RASSF5: variants seen among roughly 807,000 people sequenced by gnomAD.
RASSF5 encodes ras association domain-containing protein 5.
RASSF5 carries 25 observed loss-of-function variants against 40.5 expected under a neutral mutation model. The observed-to-expected ratio is 0.62, with a 90% confidence interval of 0.45 to 0.86. RASSF5 has a LOEUF of 0.86. Among genes scored for constraint, RASSF5 ranks in the 40% least tolerant of loss-of-function variants. The probability of loss-of-function intolerance (pLI) is 0.00; values close to 1 mark genes in which losing one functional copy is unlikely to be tolerated. For missense variants in RASSF5, 521 were observed against 572.8 expected, an observed-to-expected ratio of 0.91 and a Z score of 0.92; for synonymous variants, 246 against 252.4, an observed-to-expected ratio of 0.97 and a Z score of 0.24.
intron 2 of RASSF5, among the ~76,000 whole-genome samples, chr1:206,566,116 A>C (rs1668283049): frequency 6.6e-6 from 1 of 152,158 alleles, no homozygotes; most frequent in Non-Finnish European, 1.5e-5. Flanking sequence ...TGCTACCATC[A>C]AGCCAAAAAG....
At chr1:206,556,555 A>G (rs1469652272) in intron 2 of RASSF5, among the ~76,000 whole-genome samples, 2 of 152,140 alleles carry the variant, frequency 1.3e-5, no homozygotes, top group Non-Finnish European at 2.9e-5. Flanking sequence ...TTCTCAGACT[A>G]TCCGGAAGAT....
Position 206,584,844 on chromosome 1 carries a change from G to T in RASSF5, c.988+160G>T. 1 of 755,442 alleles carries T rather than the reference G, an allele frequency of 1.3e-6. No homozygotes were observed. The allele number at this position is 755,442 out of a possible 1,614,324, so 46.8% of individuals were successfully genotyped here. On this transcript the variant is annotated intron_variant, in intron 4 of 5. Transcript: ENST00000579436. The surrounding 1 kb of genome is among the most constrained non-coding windows in gnomAD (Gnocchi z 4.9). ...TGTTCAGATCTGTGGAATCCGGGCA[G>T]GGAGGCAAGAGCAGAGTCCCTGACT...
At chr1:206,549,495 C>G (rs995206169) in intron 2 of RASSF5, among the ~76,000 whole-genome samples, 10 of 151,086 alleles carry the variant, frequency 6.6e-5, no homozygotes, top group Non-Finnish European at 1.5e-4. Flanking sequence ...GGTCAGTAGT[C>G]GAGACAGAGT....
In RASSF5 at chr1:206,587,151, AGCTGTGCCCGCCCCCAG is replaced by A. The variant is rs570505466; in HGVS notation, c.*183_*199del. The A allele has an allele frequency of 1.3e-3, 965 of 732,776 alleles. 2 individuals carry two copies. Among genetic ancestry groups the A allele is most frequent in the Non-Finnish European group, 1.7e-3 (761 of 441,020 alleles). 45.4% of individuals were successfully genotyped at this position (732,776 alleles called of 1,614,324 possible). A position where few individuals can be genotyped will look rare whatever the true frequency, so the allele number is the denominator to read the frequency against. On this transcript the variant is annotated 3_prime_UTR_variant, in exon 6 of 6. Coordinates refer to ENST00000579436, the MANE Select transcript of RASSF5 (RefSeq NM_182663.4). ...TGGACAAGTGTTTGCACGAGGGTTC[AGCTGTGCCCGCCCCCAG>A]GCTGTGCCCCACCACAGATTCTGCC...
rs1390456466 is a variant in RASSF5 at position 206,560,654 on chromosome 1, G to C, written c.579+22361G>C. ...GTCAGGCATGTCACAAATGGGGCCTGGGGGAGAGCCAGCCTGTGGGCTTGG... is the reference window on the plus strand; with the variant it reads ...GTCAGGCATGTCACAAATGGGGCCTCGGGGAGAGCCAGCCTGTGGGCTTGG... On this transcript the variant is annotated intron_variant, in intron 2 of 5. Coordinates refer to ENST00000579436, the MANE Select transcript of RASSF5 (RefSeq NM_182663.4). This position sits in a 1 kb window ranked among gnomAD's most constrained non-coding sequence, Gnocchi z 5.1. 2.0e-5 allele frequency among the ~76,000 whole-genome samples: 3 copies of C among 152,198 alleles called. No homozygotes were observed. The highest frequency in any genetic ancestry group is 7.2e-5 in the African/African-American group (3 of 41,454).
chr1:206,556,766 T>C (rs1357960354), intron 2 of RASSF5, among the ~76,000 whole-genome samples: 1 of 152,182 alleles, frequency 6.6e-6, no homozygotes, highest in Non-Finnish European at 1.5e-5. Flanking sequence ...AGGGCAGATA[T>C]TGATTTTTTT....
chr1:206,551,802 C>T (rs568969260), intron 2 of RASSF5, among the ~76,000 whole-genome samples: 9 of 152,334 alleles, frequency 5.9e-5, no homozygotes, highest in East Asian at 1.9e-4. Flanking sequence ...AGCCCTGAGG[C>T]GAGAGGCAAG....
Position 206,507,842 on chromosome 1 carries a change from T to C in RASSF5, c.240T>C (p.Ala80=), listed in dbSNP as rs1323164335. The C allele has an allele frequency of 2.1e-6, 3 of 1,447,958 alleles. No homozygotes were observed. The African/African-American group carries it at 4.4e-5, about 21-fold the overall frequency. The allele number at this position is 1,447,958 out of a possible 1,614,324, so 89.7% of individuals were successfully genotyped here. A position where few individuals can be genotyped will look rare whatever the true frequency, so the allele number is the denominator to read the frequency against. ...CCCCGCCCCGGGCCTCCCGACCCGC[T>C]CGCCCGCTCCGGCCTGGTCTGCAGC... ...LEPPPRASRP[A]RPLRPGLQQR... Residue 80 remains alanine (A), a synonymous_variant, in exon 1 of 6, where the codon GCT becomes GCC. Transcript: ENST00000579436.
intron 2 of RASSF5, among the ~76,000 whole-genome samples, chr1:206,574,301 C>T (rs191898018): frequency 4.6e-4 from 70 of 152,322 alleles, no homozygotes; most frequent in African/African-American, 1.5e-3. Flanking sequence ...TCTGGTGTGC[C>T]ACAGCGCATC....
At position 206,560,791 on chromosome 1, in the gene RASSF5, C is replaced by G. The variant is rs1294632164; in HGVS notation, c.580-22478C>G. Among the ~76,000 whole-genome samples the G allele has an allele frequency of 3.3e-5, 5 of 152,114 alleles. No homozygotes were observed. Among genetic ancestry groups the G allele is most frequent in the African/African-American group, 9.7e-5 (4 of 41,406 alleles). On this transcript the variant is annotated intron_variant, in intron 2 of 5. Coordinates refer to ENST00000579436, the MANE Select transcript of RASSF5 (RefSeq NM_182663.4). This position sits in a 1 kb window ranked among gnomAD's most constrained non-coding sequence, Gnocchi z 5.1. ...GTCACAAGACAAGGTTTTGATGGAC[C>G]CAAGGTTAGAACTTCCCTCTTTTGC...
At chr1:206,510,810 G>A (rs1476541227) in intron 1 of RASSF5, among the ~76,000 whole-genome samples, 1 of 152,174 alleles carries the variant, frequency 6.6e-6, no homozygotes, top group Non-Finnish European at 1.5e-5. Flanking sequence ...CAGGCCCAGA[G>A]CAGGGTCTCA....
At chr1:206,519,353 G>C (rs1666844778) in intron 1 of RASSF5, among the ~76,000 whole-genome samples, 1 of 152,200 alleles carries the variant, frequency 6.6e-6, no homozygotes, top group South Asian at 2.1e-4. Context: ...GTCTCATGCT[G>C]TCCACAGCAT....
At position 206,586,954 on chromosome 1, in the gene RASSF5, A is replaced by T; in HGVS notation, c.1233A>T (p.Arg411Ser). Residue 411 changes from arginine (R) to serine (S), a missense_variant, in exon 6 of 6, where the codon AGA becomes AGT. Transcript: ENST00000579436. Reference protein sequence around the residue: ...KFRQKLEEALRESQGKPG With the variant: ...KFRQKLEEALSESQGKPG Reference sequence around the variant, plus strand: ...GGCAGAAACTGGAGGAGGCCTTAAGAGAATCCCAGGGCAAACCTGGGTAAC... The same window carrying T: ...GGCAGAAACTGGAGGAGGCCTTAAGTGAATCCCAGGGCAAACCTGGGTAAC... The T allele has an allele frequency of 6.2e-7, 1 of 1,614,220 alleles. No individual in the cohort carries two copies. Among genetic ancestry groups the T allele is most frequent in the Non-Finnish European group, 8.5e-7 (1 of 1,180,010 alleles).
intron 2 of RASSF5, among the ~76,000 whole-genome samples, chr1:206,569,602 C>G (rs1668385043): frequency 6.6e-6 from 1 of 152,240 alleles, no homozygotes; most frequent in Non-Finnish European, 1.5e-5. Context: ...TGACAGCCAT[C>G]TCAAATTATG....
intron 2 of RASSF5, among the ~76,000 whole-genome samples, chr1:206,568,764 G>C (rs1400251785): frequency 6.6e-6 from 1 of 152,180 alleles, no homozygotes; most frequent in Non-Finnish European, 1.5e-5. Context: ...TTCACTCTTT[G>C]GCTCTCAGAG....
At chr1:206,523,376 T>C (rs1553396405) in intron 1 of RASSF5, among the ~76,000 whole-genome samples, 2 of 124,906 alleles carry the variant, frequency 1.6e-5, no homozygotes, top group African/African-American at 3.0e-5. Context: ...AATATAAATA[T>C]TATATTATAT....
Position 206,576,280 on chromosome 1 carries a change from A to C in RASSF5, c.580-6989A>C, listed in dbSNP as rs137949392. 2.0e-5 allele frequency among the ~76,000 whole-genome samples: 3 copies of C among 152,306 alleles called. No homozygotes were observed. The East Asian group carries it at 5.8e-4, about 29-fold the overall frequency. On this transcript the variant is annotated intron_variant, in intron 2 of 5. Transcript: ENST00000579436. ...GCTGCAGAGATCTGTGACGATGGTA[A>C]TTTGTACTTTTGCTGCAATGGGAAT... is the stretch of plus-strand genomic sequence containing the variant.
intron 1 of RASSF5, chr1:206,529,381 A>G: frequency 5.3e-6 from 4 of 755,296 alleles, no homozygotes; most frequent in South Asian, 4.3e-5. Context: ...GTGATTGCAC[A>G]TGACGTGGAT....
At chr1:206,522,955 T>G (rs1433849371) in intron 1 of RASSF5, among the ~76,000 whole-genome samples, 2 of 152,138 alleles carry the variant, frequency 1.3e-5, no homozygotes, top group African/African-American at 4.8e-5. Flanking sequence ...AAAGCTAATT[T>G]TAGACAACAG....
Sources: gnomAD v4.1 joint callset for allele counts (sites outside exome capture counted in the v4.1 genomes callset) on GRCh38, gnomAD v4.1.1 for gene constraint, Gnocchi (gnomAD v3.1) non-coding constraint, MANE v1.5 for transcripts, NCBI Gene and HGNC (gene_info 2026-07-23, HGNC 2026-07-21) for gene names.